The following PLCXD1 variants were observed in gnomAD, a reference collection of about 807,000 sequenced individuals.
PLCXD1 encodes the protein phosphatidylinositol specific phospholipase C X domain containing 1.
In PLCXD1, 45 loss-of-function variants were observed where a neutral mutation model predicts 37.8. That is an observed-to-expected ratio of 1.19 (90% CI 0.94 to 1.53). The LOEUF (loss-of-function observed/expected upper bound fraction) is 1.53. Ranked by LOEUF, PLCXD1 falls within the 40% of genes most tolerant of loss-of-function variation. The probability of loss-of-function intolerance (pLI) is 0.00; values close to 1 mark genes in which losing one functional copy is unlikely to be tolerated. For missense variants in PLCXD1, 539 were observed against 454.7 expected (o/e 1.19, Z -1.69); for synonymous variants, 246 against 206.9 (o/e 1.19, Z -1.62).
chrX:293,741 A>T (rs1191803249), intron 6 of PLCXD1, among the ~76,000 whole-genome samples: 1 of 152,196 alleles, frequency 6.6e-6, no homozygotes, highest in Non-Finnish European at 1.5e-5. Flanking sequence ...ACAAACCTTA[A>T]GACATCACGC....
chrX:289,495 C>T (rs777901839), intron 3 of PLCXD1, among the ~76,000 whole-genome samples: 1 of 147,046 alleles, frequency 6.8e-6, no homozygotes, highest in African/African-American at 2.5e-5. Flanking sequence ...AGAGACAACA[C>T]CTTTCTTTTT....
At chrX:284,400 G>C in intron 2 of PLCXD1, 86 bp downstream of exon 2, 2 of 1,476,980 alleles carry the variant, frequency 1.4e-6, no homozygotes, top group Non-Finnish European at 1.9e-6. Context: ...GCATTCCCCA[G>C]TGGGGACGCT....
chrX:286,486 G>T (rs1454189712), intron 2 of PLCXD1, among the ~76,000 whole-genome samples: 1 of 152,126 alleles, frequency 6.6e-6, no homozygotes, highest in Non-Finnish European at 1.5e-5. Flanking sequence ...CCGGATTAAA[G>T]AAAGAAGAGG....
chrX:289,510 C>CTTTTTTTTTTTTTT (rs1281823641), intron 3 of PLCXD1, among the ~76,000 whole-genome samples: 5 of 97,786 alleles, frequency 5.1e-5, no homozygotes, highest in South Asian at 2.6e-4. Context: ...CTTTTTCTTT[C>CTTTTTTTTTTTTTT]TTTTTCTTTT....
At chrX:296,412 C>T (rs758778866) in intron 6 of PLCXD1, among the ~76,000 whole-genome samples, 4 of 152,054 alleles carry the variant, frequency 2.6e-5, no homozygotes, top group African/African-American at 9.6e-5. Flanking sequence ...CATGAGCCAC[C>T]GTGCCCAGCC....
chrX:301,389 C>G lies in PLCXD1; in HGVS notation c.*2054C>G, dbSNP rs28811618. On this transcript the variant is annotated 3_prime_UTR_variant, in exon 7 of 7. Coordinates refer to ENST00000381657, the MANE Select transcript of PLCXD1 (RefSeq NM_018390.4). ...AAACTCCTGGGCTCAACTGATCCTC[C>G]CACCTCAACCTCTGCCATAGCCAGG... 7,973 of 152,056 alleles carry G rather than the reference C, an allele frequency of 0.052. 655 individuals are homozygous for G. The highest frequency in any genetic ancestry group is 0.18 in the African/African-American group (7,499 of 41,322). 9.4% of individuals were successfully genotyped at this position (152,056 alleles called of 1,614,324 possible).
chrX:284,599 C>G (rs369812523), intron 2 of PLCXD1, among the ~76,000 whole-genome samples: 1 of 61,470 alleles, frequency 1.6e-5, no homozygotes, highest in Non-Finnish European at 3.2e-5. Flanking sequence ...CACGCACACA[C>G]GCACACACGC....
At chrX:293,552 G>T (rs1254307635) in intron 6 of PLCXD1, among the ~76,000 whole-genome samples, 1 of 152,188 alleles carries the variant, frequency 6.6e-6, no homozygotes, top group Admixed American at 6.5e-5. Flanking sequence ...CTGAGGTCGG[G>T]AGTTCGAGAC....
At chrX:276,849 C>G (rs1360007850), upstream of PLCXD1, among the ~76,000 whole-genome samples, 6 of 152,150 alleles carry the variant, frequency 3.9e-5, no homozygotes, top group East Asian at 7.7e-4. Flanking sequence ...GTTGATTCAC[C>G]CAGCAACCAT....
Position 291,499 on chromosome X carries a change from GA to G in PLCXD1, c.395del (p.Asp132AlafsTer28). ...CTCAGCCCAGCACCCCCCTCCCCAG[GA>G]CACACTCACGGAAATCTCGGAGTGG... The part of the protein sequence containing the change: ...HMVYTTALVE[D>X]TLTEISEWLE... On this transcript the variant is annotated frameshift_variant and splice_region_variant, in exon 5 of 7. Transcript: ENST00000381657. LOFTEE classifies it high-confidence loss of function. 6.2e-7 allele frequency: 1 copy of G among 1,612,400 alleles called. No individual in the cohort carries two copies. Among genetic ancestry groups the G allele is most frequent in the Non-Finnish European group, 8.5e-7 (1 of 1,179,838 alleles).
chrX:280,112 G>A (rs1342250435), upstream of PLCXD1, among the ~76,000 whole-genome samples: 1 of 152,310 alleles, frequency 6.6e-6, no homozygotes, highest in Non-Finnish European at 1.5e-5. Flanking sequence ...GCCTCCCAAA[G>A]TGTTGAAGTG....
intron 3 of PLCXD1, among the ~76,000 whole-genome samples, chrX:289,170 C>A (rs1415621814): frequency 6.6e-6 from 1 of 152,152 alleles, no homozygotes; most frequent in South Asian, 2.1e-4. Flanking sequence ...TCACTGCAAC[C>A]TCCGCTGCCT....
intron 6 of PLCXD1, among the ~76,000 whole-genome samples, chrX:293,867 G>A (rs148795003): frequency 0.021 from 3,232 of 152,286 alleles, 59 homozygotes; most frequent in Admixed American, 0.029. Flanking sequence ...CGGGGGCTGC[G>A]GAGGGGAAAT....
chrX:278,503 C>CTGAGATAGGAGAATTG (rs2069197753), upstream of PLCXD1, among the ~76,000 whole-genome samples: 1 of 152,096 alleles, frequency 6.6e-6, no homozygotes, highest in East Asian at 1.9e-4. Flanking sequence ...CTTTGGGAGG[C>CTGAGATAGGAGAATTG]CAAGGCGGGC....
At chrX:284,388 C>A in intron 2 of PLCXD1, 74 bp downstream of exon 2, 1 of 1,556,026 alleles carries the variant, frequency 6.4e-7, no homozygotes, top group Non-Finnish European at 8.8e-7. Flanking sequence ...GCTGTGGCGT[C>A]TGCATTCCCC....
upstream of PLCXD1, among the ~76,000 whole-genome samples, chrX:277,294 G>T (rs2069176756): frequency 1.2e-5 from 1 of 82,088 alleles, no homozygotes; most frequent in African/African-American, 3.7e-5. Context: ...GATAGGAGGG[G>T]ACACCCCTCA....
intron 5 of PLCXD1, among the ~76,000 whole-genome samples, chrX:292,338 A>G (rs2069664511): frequency 6.6e-6 from 1 of 152,008 alleles, no homozygotes; most frequent in African/African-American, 2.4e-5. Context: ...GGGCGCCTGT[A>G]GTCCCAGCTA....
intron 1 of PLCXD1, among the ~76,000 whole-genome samples, chrX:282,225 TTACA>T (rs2069294583): frequency 1.3e-5 from 2 of 152,162 alleles, no homozygotes. Flanking sequence ...ATTAAAAATC[TTACA>T]TACATTGCCG....
In PLCXD1 at chrX:292,956, G is replaced by A. The variant is rs377419327; in HGVS notation, c.550-79G>A. The A allele has an allele frequency of 8.8e-5, 89 of 1,011,078 alleles. 1 individual carries two copies. The highest frequency in any genetic ancestry group is 6.4e-4 in the South Asian group (39 of 60,940). The allele number at this position is 1,011,078 out of a possible 1,614,324, so 62.6% of individuals were successfully genotyped here. A position where few individuals can be genotyped will look rare whatever the true frequency, so the allele number is the denominator to read the frequency against. ...TATACTCGTGTTGGGCCGGTGTCCCGACTTCCCAGCCCTCCGCTCTCCCAG... is the reference window on the plus strand; with the variant it reads ...TATACTCGTGTTGGGCCGGTGTCCCAACTTCCCAGCCCTCCGCTCTCCCAG... On this transcript the variant is annotated intron_variant, in intron 5 of 6. Coordinates refer to ENST00000381657, the MANE Select transcript of PLCXD1 (RefSeq NM_018390.4).
Sources: gnomAD v4.1 joint callset for allele counts (sites outside exome capture counted in the v4.1 genomes callset) on GRCh38, gnomAD v4.1.1 for gene constraint, MANE v1.5 for transcripts, NCBI Gene and HGNC (gene_info 2026-07-23, HGNC 2026-07-21) for gene names.